SUSD6: variants seen among roughly 807,000 people sequenced by gnomAD.
SUSD6 encodes sushi domain containing 6, also known as sushi domain-containing protein 6.
In SUSD6, 16 loss-of-function variants were observed where a neutral mutation model predicts 28.4. The observed-to-expected ratio is 0.56, with a 90% CI of 0.38 to 0.86. The LOEUF (loss-of-function observed/expected upper bound fraction) is 0.86. Among genes scored for constraint, SUSD6 ranks in the 40% least tolerant of loss-of-function variants. The pLI is 0.00. For missense variants in SUSD6, 341 were observed against 384.2 expected (o/e 0.89, Z 0.94); for synonymous variants, 147 against 159.6 (o/e 0.92, Z 0.59).
chr14:69,630,515 A>G (rs930214564), intron 1 of SUSD6, among the ~76,000 whole-genome samples: 1 of 152,218 alleles, frequency 6.6e-6, no homozygotes, highest in Admixed American at 6.5e-5. Context: ...CCAAGGAGGA[A>G]GGACAGAATT....
intron 2 of SUSD6, among the ~76,000 whole-genome samples, chr14:69,668,458 A>T (rs914138959): frequency 6.6e-6 from 1 of 151,966 alleles, no homozygotes. Context: ...AACATGGTGA[A>T]ACCCTGTCTC....
chr14:69,652,582 A>G (rs181114177), intron 1 of SUSD6, among the ~76,000 whole-genome samples: 27 of 152,104 alleles, frequency 1.8e-4, no homozygotes, highest in African/African-American at 5.3e-4. Context: ...GAAGTGTTTG[A>G]TAGTGTTTGA....
rs1594727980 is a variant in SUSD6 at position 69,713,886 on chromosome 14, A to T, written c.*2907A>T. 1 of 132,856 alleles carries T rather than the reference A, an allele frequency of 7.5e-6. No homozygotes were observed. Among genetic ancestry groups the T allele is most frequent in the African/African-American group, 2.9e-5 (1 of 34,438 alleles). The allele number at this position is 132,856 out of a possible 1,614,324, so 8.2% of individuals were successfully genotyped here. Reference sequence around the variant, plus strand: ...ACTTGAGCTGACTCAGTGCAGGTTTAATATCCTGGTGACTTGCAGTCACAT... The same window carrying T: ...ACTTGAGCTGACTCAGTGCAGGTTTTATATCCTGGTGACTTGCAGTCACAT... On this transcript the variant is annotated 3_prime_UTR_variant, in exon 6 of 6. Transcript: ENST00000342745.
chr14:69,677,590 G>T (rs1489665151), intron 2 of SUSD6, among the ~76,000 whole-genome samples: 1 of 150,082 alleles, frequency 6.7e-6, no homozygotes, highest in Non-Finnish European at 1.5e-5. Flanking sequence ...GACCTGTTTG[G>T]TAGCTTAGCT....
At chr14:69,645,843 T>C (rs1184238564) in intron 1 of SUSD6, among the ~76,000 whole-genome samples, 2 of 151,808 alleles carry the variant, frequency 1.3e-5, no homozygotes, top group Non-Finnish European at 2.9e-5. Flanking sequence ...TCCGCCTCCC[T>C]GCTTCAAGCG....
chr14:69,670,981 G>T lies in SUSD6; in HGVS notation c.121+12268G>T, dbSNP rs562321570. Among the ~76,000 whole-genome samples, 4 of 152,350 alleles carry T rather than the reference G, an allele frequency of 2.6e-5. No individual in the cohort carries two copies. In the South Asian group the frequency reaches 8.3e-4, roughly 32 times the overall value. On this transcript the variant is annotated intron_variant, in intron 2 of 5. Coordinates refer to ENST00000342745, the MANE Select transcript of SUSD6 (RefSeq NM_014734.4). The stretch of plus-strand genomic sequence containing the variant: ...CTCTGGTGGAGTATGTTCAGTAGCT[G>T]TAGTTTCAAAAAAGAAAAATAAAGT...
At chr14:69,688,121 C>T (rs758596130) in intron 2 of SUSD6, among the ~76,000 whole-genome samples, 15 of 152,156 alleles carry the variant, frequency 9.9e-5, no homozygotes, top group Admixed American at 1.3e-4. Flanking sequence ...AAGAAGAAGA[C>T]TAGATGTATT....
chr14:69,652,977 T>C (rs1885525969), intron 1 of SUSD6, among the ~76,000 whole-genome samples: 1 of 152,184 alleles, frequency 6.6e-6, no homozygotes, highest in Non-Finnish European at 1.5e-5. Context: ...CATTTCCTCA[T>C]ATTTTGTTCC....
At chr14:69,687,180 G>C (rs752292324) in intron 2 of SUSD6, among the ~76,000 whole-genome samples, 4 of 152,126 alleles carry the variant, frequency 2.6e-5, no homozygotes, top group Non-Finnish European at 5.9e-5. Flanking sequence ...TTACCATATT[G>C]GTCAGGCTGG....
At chr14:69,686,883 T>C (rs1886081658) in intron 2 of SUSD6, among the ~76,000 whole-genome samples, 1 of 152,246 alleles carries the variant, frequency 6.6e-6, no homozygotes, top group Non-Finnish European at 1.5e-5. Context: ...AGTCTCTTCA[T>C]GTATTAATTA....
intron 3 of SUSD6, among the ~76,000 whole-genome samples, chr14:69,704,015 C>G (rs1437660452): frequency 6.6e-6 from 1 of 152,198 alleles, no homozygotes; most frequent in Non-Finnish European, 1.5e-5. Flanking sequence ...TCTTGCATGA[C>G]AGGAAAATCC....
intron 5 of SUSD6, among the ~76,000 whole-genome samples, chr14:69,710,459 A>G (rs953198008): frequency 2.0e-5 from 3 of 152,372 alleles, no homozygotes; most frequent in Non-Finnish European, 2.9e-5. Flanking sequence ...AACAAGACAC[A>G]TTAAGTCAGT....
intron 2 of SUSD6, among the ~76,000 whole-genome samples, chr14:69,683,146 T>TC (rs1350625082): frequency 6.6e-6 from 1 of 152,074 alleles, no homozygotes; most frequent in East Asian, 1.9e-4. Context: ...ATGCAGGCTG[T>TC]CTACAGGCAG....
intron 4 of SUSD6, among the ~76,000 whole-genome samples, chr14:69,706,027 A>C (rs919975843): frequency 6.6e-6 from 1 of 152,260 alleles, no homozygotes; most frequent in Admixed American, 6.5e-5. Context: ...AGTAAACTGC[A>C]TTCAGTAAAA....
chr14:69,695,800 A>G (rs538002554), intron 2 of SUSD6, among the ~76,000 whole-genome samples: 24 of 152,360 alleles, frequency 1.6e-4, no homozygotes, highest in African/African-American at 4.6e-4. Flanking sequence ...AATGAGTTAC[A>G]TATGTAAAGT....
At chr14:69,653,508 T>C (rs1408084081) in intron 1 of SUSD6, among the ~76,000 whole-genome samples, 1 of 152,208 alleles carries the variant, frequency 6.6e-6, no homozygotes, top group Non-Finnish European at 1.5e-5. Flanking sequence ...GACTGAGTCA[T>C]TGAGGCCCTC....
At chr14:69,660,596 G>A (rs1165334740) in intron 2 of SUSD6, among the ~76,000 whole-genome samples, 1 of 152,266 alleles carries the variant, frequency 6.6e-6, no homozygotes, top group Non-Finnish European at 1.5e-5. Context: ...ACCACAGAGT[G>A]TGGTTGACTC....
intron 1 of SUSD6, among the ~76,000 whole-genome samples, chr14:69,617,929 A>G (rs944522190): frequency 6.6e-6 from 1 of 152,186 alleles, no homozygotes; most frequent in Non-Finnish European, 1.5e-5. Context: ...CAGCCCCCAC[A>G]GGGCTTTTCC....
At position 69,643,760 on chromosome 14, in the gene SUSD6, T is replaced by C. The variant is rs150476300; in HGVS notation, c.-80-14753T>C. Among the ~76,000 whole-genome samples the C allele has an allele frequency of 8.5e-5, 13 of 152,344 alleles. No individual in the cohort carries two copies. The East Asian group carries it at 2.3e-3, about 27-fold the overall frequency. ...CAGATACTATATTCAATTTCAAAAA[T>C]GTGTGACTCATTGACTCTGTAATTC... On this transcript the variant is annotated intron_variant, in intron 1 of 5. Coordinates refer to ENST00000342745, the MANE Select transcript of SUSD6 (RefSeq NM_014734.4).
Sources: gnomAD v4.1 joint callset for allele counts (sites outside exome capture counted in the v4.1 genomes callset) on GRCh38, gnomAD v4.1.1 for gene constraint, MANE v1.5 for transcripts, NCBI Gene and HGNC (gene_info 2026-07-23, HGNC 2026-07-21) for gene names.